Variants in KIF1A observed in about 807,000 individuals in gnomAD.
KIF1A encodes kinesin-like protein KIF1A.
A neutral mutation model predicts 227.3 loss-of-function variants in KIF1A; 46 were observed. That is an observed-to-expected ratio of 0.20 (90% CI 0.16 to 0.26). KIF1A has a LOEUF of 0.26. Ranked by LOEUF, KIF1A falls within the 10% of genes least tolerant of loss-of-function variation. KIF1A has a pLI of 1.00. For missense variants in KIF1A, 1,683 were observed against 2,485.9 expected, an observed-to-expected ratio of 0.68 and a Z score of 6.87; for synonymous variants, 1,022 against 1,012.8, an observed-to-expected ratio of 1.01 and a Z score of -0.17.
intron 2 of KIF1A, among the ~76,000 whole-genome samples, chr2:240,791,996 C>A (rs1276355341): frequency 6.6e-6 from 1 of 151,144 alleles, no homozygotes; most frequent in Non-Finnish European, 1.5e-5. Context: ...TGTATTGTGT[C>A]TGGGAGCCCC....
At position 240,778,371 on chromosome 2, in the gene KIF1A, G is replaced by C. The variant is rs534743400; in HGVS notation, c.883-2445C>G. 1.3e-5 allele frequency among the ~76,000 whole-genome samples: 2 copies of C among 151,632 alleles called. No individual in the cohort carries two copies. The highest frequency in any genetic ancestry group is 2.9e-5 in the Non-Finnish European group (2 of 67,920). On this transcript the variant is annotated intron_variant, in intron 10 of 48. Transcript: ENST00000498729. The surrounding 1 kb of genome is among the most constrained non-coding windows in gnomAD (Gnocchi z 7.2). ...AGTCCCCACCGTCCCTGACACACTC[G>C]CTCTCACGGTTCCTCACAGCTCCAG...
chr2:240,741,416 C>T, intron 34 of KIF1A, 39 bp from the exon 35 acceptor site: 1 of 1,444,802 alleles, frequency 6.9e-7, no homozygotes, highest in East Asian at 2.5e-5. Context: ...GATGGGAGAC[C>T]TGACCTATCA....
At chr2:240,808,576 G>A (rs2057612411) in intron 1 of KIF1A, among the ~76,000 whole-genome samples, 1 of 151,962 alleles carries the variant, frequency 6.6e-6, no homozygotes. Flanking sequence ...GGAGGCTGAG[G>A]TAGGAGGATC....
Position 240,783,076 on chromosome 2 carries a change from G to A in KIF1A, c.832C>T (p.Leu278=). 1.2e-6 allele frequency: 2 copies of A among 1,613,782 alleles called. No individual in the cohort carries two copies. The highest frequency in any genetic ancestry group is 1.7e-6 in the Non-Finnish European group (2 of 1,179,812). Residue 278 remains leucine (L), a synonymous_variant, in exon 9 of 49, where the codon CTG becomes TTG. Coordinates refer to ENST00000498729, the MANE Select transcript of KIF1A (RefSeq NM_001244008.2). ...GANINKSLTT[L]GKVISALAEM... is the part of the protein sequence containing the mutation. The stretch of plus-strand genomic sequence containing the variant: ...GCCAGGGCGGAGATGACCTTGCCCA[G>A]GGTGGTCAGCGACTTGTTGATGTTG...
At chr2:240,795,721 G>A (rs1027243211) in intron 2 of KIF1A, among the ~76,000 whole-genome samples, 4 of 152,334 alleles carry the variant, frequency 2.6e-5, no homozygotes, top group East Asian at 3.9e-4. Flanking sequence ...GGGGCAGGTC[G>A]GAGGCTGCAA....
intron 38 of KIF1A, among the ~76,000 whole-genome samples, chr2:240,729,895 T>G (rs946193054): frequency 3.3e-5 from 5 of 152,064 alleles, no homozygotes; most frequent in African/African-American, 1.2e-4. Context: ...CGGACCAGGG[T>G]CTGACATGGG....
intron 11 of KIF1A, among the ~76,000 whole-genome samples, chr2:240,774,606 T>C (rs1255353184): frequency 6.6e-6 from 1 of 152,176 alleles, no homozygotes; most frequent in Non-Finnish European, 1.5e-5. Context: ...CCAAAATAAA[T>C]ACCATTTATG....
At chr2:240,777,847 C>T (rs1383087157) in intron 10 of KIF1A, among the ~76,000 whole-genome samples, 1 of 152,232 alleles carries the variant, frequency 6.6e-6, no homozygotes, top group Non-Finnish European at 1.5e-5. Context: ...AACCCTCTCG[C>T]GCGGCTCCTT....
At chr2:240,804,405 AG>A (rs1334052480) in intron 1 of KIF1A, among the ~76,000 whole-genome samples, 1 of 152,236 alleles carries the variant, frequency 6.6e-6, no homozygotes, top group Non-Finnish European at 1.5e-5. Flanking sequence ...AACAAACATC[AG>A]AAGAAAATTA....
chr2:240,750,640 A>C, intron 27 of KIF1A, 93 bp from the exon 28 acceptor site: 7 of 900,780 alleles, frequency 7.8e-6, no homozygotes, highest in Non-Finnish European at 1.1e-5. Context: ...ACGACACAAC[A>C]TGGAGCTGCA....
In KIF1A at chr2:240,725,488, G is replaced by A. The variant is rs1446306249; in HGVS notation, c.4123-84C>T. The stretch of plus-strand genomic sequence containing the variant: ...TCCAGCCTTCTCCTGGGGGCACAAT[G>A]CCCAGCACCGACAGGCAGCCCCAGG... On this transcript the variant is annotated intron_variant, in intron 39 of 48. Coordinates refer to ENST00000498729, the MANE Select transcript of KIF1A (RefSeq NM_001244008.2). The surrounding 1 kb of genome is among the most constrained non-coding windows in gnomAD (Gnocchi z 5.8). The A allele has an allele frequency of 6.7e-7, 1 of 1,485,144 alleles. No individual in the cohort carries two copies. The highest frequency in any genetic ancestry group is 2.3e-5 in the East Asian group (1 of 42,588). The allele number at this position is 1,485,144 out of a possible 1,614,324, so 92.0% of individuals were successfully genotyped here.
intron 4 of KIF1A, among the ~76,000 whole-genome samples, chr2:240,787,531 G>T (rs1268469382): frequency 6.6e-6 from 1 of 152,148 alleles, no homozygotes; most frequent in East Asian, 1.9e-4. Context: ...TGGCTGGTGT[G>T]GGTCATCTGC....
At chr2:240,763,140 G>T in intron 21 of KIF1A, 26 bp downstream of exon 21, 1 of 1,604,680 alleles carries the variant, frequency 6.2e-7, no homozygotes. Context: ...GGGGCAGCAG[G>T]CAGTTGGGGG....
At chr2:240,798,529 C>T (rs889406527) in intron 1 of KIF1A, among the ~76,000 whole-genome samples, 1 of 152,216 alleles carries the variant, frequency 6.6e-6, no homozygotes, top group Non-Finnish European at 1.5e-5. Flanking sequence ...CTGGCCTTTA[C>T]CCCAGCTGTG....
chr2:240,786,656 G>A (rs939989634), intron 5 of KIF1A, 143 bp from the exon 6 acceptor site: 47 of 688,592 alleles, frequency 6.8e-5, no homozygotes, highest in Middle Eastern at 4.4e-4. Context: ...ACCCCTGAGT[G>A]AGGGGGTGGG....
chr2:240,789,382 A>T lies in KIF1A; in HGVS notation c.107-70T>A. The T allele has an allele frequency of 2.3e-6, 3 of 1,308,492 alleles. No individual in the cohort carries two copies. The highest frequency in any genetic ancestry group is 3.3e-6 in the Non-Finnish European group (3 of 903,482). 81.1% of individuals were successfully genotyped at this position (1,308,492 alleles called of 1,614,324 possible). ...CCTGACTAGCTGGCATCTACACTCC[A>T]AGGTGGGGAGATGGTCTTAAGAGGC... On this transcript the variant is annotated intron_variant, in intron 2 of 48. Transcript: ENST00000498729. This position sits in a 1 kb window ranked among gnomAD's most constrained non-coding sequence, Gnocchi z 4.8.
At chr2:240,761,190 C>T (rs1279663247) in intron 24 of KIF1A, 39 bp downstream of exon 24, 1 of 1,585,604 alleles carries the variant, frequency 6.3e-7, no homozygotes. Flanking sequence ...GTGACACACT[C>T]TCTCCAACAG....
intron 1 of KIF1A, among the ~76,000 whole-genome samples, chr2:240,814,263 G>A (rs1377720111): frequency 6.6e-6 from 1 of 151,870 alleles, no homozygotes; most frequent in African/African-American, 2.4e-5. Flanking sequence ...GAACACCAAG[G>A]AAAAGACAGG....
intron 27 of KIF1A, among the ~76,000 whole-genome samples, chr2:240,754,184 G>T (rs1358918422): frequency 6.6e-6 from 1 of 152,164 alleles, no homozygotes; most frequent in African/African-American, 2.4e-5. Context: ...CTGGGGGTGG[G>T]GCCCCGAGGG....
Sources: gnomAD v4.1 joint callset for allele counts (sites outside exome capture counted in the v4.1 genomes callset) on GRCh38, gnomAD v4.1.1 for gene constraint, Gnocchi (gnomAD v3.1) non-coding constraint, MANE v1.5 for transcripts, NCBI Gene and HGNC (gene_info 2026-07-23, HGNC 2026-07-21) for gene names.